The following DYNC1I1 variants were observed in gnomAD, a reference collection of about 807,000 sequenced individuals.
DYNC1I1 encodes dynein cytoplasmic 1 intermediate chain 1.
A neutral mutation model predicts 86.6 loss-of-function variants in DYNC1I1; 43 were observed. That is an observed-to-expected ratio of 0.50 (90% CI 0.39 to 0.64). DYNC1I1 has a LOEUF of 0.64. DYNC1I1 is among the 30% of genes least tolerant of loss of function. The probability of loss-of-function intolerance (pLI) is 0.00; values close to 1 mark genes in which losing one functional copy is unlikely to be tolerated. For synonymous variants in DYNC1I1, 262 were observed against 283.7 expected (o/e 0.92, Z 0.77); for missense variants, 604 against 788.8 (o/e 0.77, Z 2.81).
intron 9 of DYNC1I1, among the ~76,000 whole-genome samples, chr7:95,992,583 GCA>G (rs1554427879): frequency 1.3e-5 from 2 of 152,008 alleles, no homozygotes; most frequent in Non-Finnish European, 2.9e-5. Context: ...TTCATAACGG[GCA>G]CTTAAAACAT....
At chr7:95,964,230 G>A (rs1266507770) in intron 6 of DYNC1I1, among the ~76,000 whole-genome samples, 1 of 152,150 alleles carries the variant, frequency 6.6e-6, no homozygotes, top group Non-Finnish European at 1.5e-5. Context: ...TGAAATGGGA[G>A]TCAGCAAAAA....
chr7:95,993,766 A>G (rs541084025), intron 9 of DYNC1I1, among the ~76,000 whole-genome samples: 62 of 152,274 alleles, frequency 4.1e-4, no homozygotes, highest in South Asian at 1.0e-3. Flanking sequence ...AGATGTAGTT[A>G]TTTTTAATAG....
rs566209237 is a variant in DYNC1I1 at position 95,907,030 on chromosome 7, A to C, written c.490+37032A>C. On this transcript the variant is annotated intron_variant, in intron 6 of 16. Coordinates refer to ENST00000447467, the MANE Select transcript of DYNC1I1 (RefSeq NM_001135556.2). ...TCATTTAAAATACAGTTTACAGAGGAATTAAGCTAAACCACTTAAGCTCTC... is the reference window on the plus strand; with the variant it reads ...TCATTTAAAATACAGTTTACAGAGGCATTAAGCTAAACCACTTAAGCTCTC... Among the ~76,000 whole-genome samples the C allele has an allele frequency of 3.9e-4, 60 of 152,314 alleles. 1 individual carries two copies. The highest frequency in any genetic ancestry group is 1.4e-3 in the African/African-American group (59 of 41,566).
At chr7:95,802,973 G>A (rs1794617264) in intron 1 of DYNC1I1, among the ~76,000 whole-genome samples, 1 of 152,088 alleles carries the variant, frequency 6.6e-6, no homozygotes, top group African/African-American at 2.4e-5. Context: ...ATTCCTCAAT[G>A]CTTCCCCTGG....
rs41278809 is a variant in DYNC1I1, at chr7:95,804,844, C to G, written c.108+7C>G. 0.095 allele frequency: 147,284 copies of G among 1,550,238 alleles called. 7,489 individuals are homozygous for G. Among genetic ancestry groups the G allele is most frequent in the Non-Finnish European group, 0.1 (116,001 of 1,145,796 alleles). ...GGAGAGGAAAAAGAAAGAGGTAAAT[C>G]CTGGGTGTTGGGGTGTTGTGGGGGA... On this transcript the variant is annotated splice_region_variant and intron_variant, in intron 2 of 16. Coordinates refer to ENST00000447467, the MANE Select transcript of DYNC1I1 (RefSeq NM_001135556.2).
intron 6 of DYNC1I1, among the ~76,000 whole-genome samples, chr7:95,955,401 C>G (rs1347656844): frequency 2.0e-5 from 3 of 152,116 alleles, no homozygotes; most frequent in Non-Finnish European, 4.4e-5. Context: ...TAGCTCGCTG[C>G]AGCCTTGACC....
intron 14 of DYNC1I1, among the ~76,000 whole-genome samples, chr7:96,058,540 G>C (rs1231991582): frequency 6.6e-6 from 1 of 152,168 alleles, no homozygotes; most frequent in Non-Finnish European, 1.5e-5. Flanking sequence ...GTTACTGGGA[G>C]TATCACAGTG....
chr7:95,889,394 A>G (rs1452884660), intron 6 of DYNC1I1, among the ~76,000 whole-genome samples: 2 of 152,224 alleles, frequency 1.3e-5, no homozygotes, highest in African/African-American at 4.8e-5. Context: ...CTGGCTTATC[A>G]TATGCAGAAG....
chr7:96,077,543 A>G (rs191721891), intron 15 of DYNC1I1, among the ~76,000 whole-genome samples: 1 of 152,242 alleles, frequency 6.6e-6, no homozygotes, highest in East Asian at 1.9e-4. Context: ...TAATAGAAAG[A>G]TGTTATTACC....
intron 16 of DYNC1I1, among the ~76,000 whole-genome samples, chr7:96,092,365 A>G (rs1243941826): frequency 6.6e-6 from 1 of 152,182 alleles, no homozygotes; most frequent in South Asian, 2.1e-4. Flanking sequence ...GTTTTATTTA[A>G]TATACAGTCC....
Position 95,832,585 on chromosome 7 carries a change from A to G in DYNC1I1, c.374+4469A>G, listed in dbSNP as rs199753131. On this transcript the variant is annotated intron_variant, in intron 5 of 16. Transcript: ENST00000447467. Reference sequence around the variant, plus strand: ...GTTGAACTAGTTTACAGTCCCACCAACAGTGTAAAAGTATTCCTATTTCTC... The same window carrying G: ...GTTGAACTAGTTTACAGTCCCACCAGCAGTGTAAAAGTATTCCTATTTCTC... Among the ~76,000 whole-genome samples the G allele has an allele frequency of 6.4e-3, 967 of 152,218 alleles. 20 individuals carry two copies. Among genetic ancestry groups the G allele is most frequent in the East Asian group, 0.029 (149 of 5,152 alleles).
At chr7:96,030,812 A>T (rs1364854782) in intron 11 of DYNC1I1, among the ~76,000 whole-genome samples, 1 of 152,118 alleles carries the variant, frequency 6.6e-6, no homozygotes, top group Admixed American at 6.6e-5. Flanking sequence ...TCCGGGCTTG[A>T]TAATACACTG....
In DYNC1I1 at chr7:96,022,268, G is replaced by A. The variant is rs553078245; in HGVS notation, c.970-5907G>A. On this transcript the variant is annotated intron_variant, in intron 10 of 16. Coordinates refer to ENST00000447467, the MANE Select transcript of DYNC1I1 (RefSeq NM_001135556.2). ...TTTGTATTCTCAGCATAAAAGCCAG[G>A]ACAAGGCACGTGATAGGGTCTAAAT... is the stretch of plus-strand genomic sequence containing the variant. Among the ~76,000 whole-genome samples, 22 of 152,258 alleles carry A rather than the reference G, an allele frequency of 1.4e-4. No homozygotes were observed. In the East Asian group the frequency reaches 3.7e-3, roughly 25 times the overall value.
At chr7:95,891,055 G>A (rs536547342) in intron 6 of DYNC1I1, among the ~76,000 whole-genome samples, 1 of 152,272 alleles carries the variant, frequency 6.6e-6, no homozygotes, top group Non-Finnish European at 1.5e-5. Context: ...GGTCATTAGA[G>A]TGGGCCTTCA....
At chr7:96,092,927 T>TC (rs1296566643) in intron 16 of DYNC1I1, among the ~76,000 whole-genome samples, 1 of 152,106 alleles carries the variant, frequency 6.6e-6, no homozygotes, top group Non-Finnish European at 1.5e-5. Flanking sequence ...CTGGCATTTC[T>TC]CAAAGGGGTG....
At position 95,827,942 on chromosome 7, in the gene DYNC1I1, C is replaced by G. The variant is rs1795238109; in HGVS notation, c.315-115C>G. ...GGAGGGGATGGAAGGGGGACATGTT[C>G]TGTGTATGTATTGTATATGCTCTTG... On this transcript the variant is annotated intron_variant, in intron 4 of 16. Coordinates refer to ENST00000447467, the MANE Select transcript of DYNC1I1 (RefSeq NM_001135556.2). 7 of 933,594 alleles carry G rather than the reference C, an allele frequency of 7.5e-6. No individual in the cohort carries two copies. The South Asian group carries it at 9.8e-5, about 13-fold the overall frequency. 57.8% of individuals were successfully genotyped at this position (933,594 alleles called of 1,614,324 possible). A position where few individuals can be genotyped will look rare whatever the true frequency, so the allele number is the denominator to read the frequency against.
At chr7:96,071,735 C>T (rs1790165749) in intron 14 of DYNC1I1, among the ~76,000 whole-genome samples, 1 of 152,150 alleles carries the variant, frequency 6.6e-6, no homozygotes, top group African/African-American at 2.4e-5. Flanking sequence ...AGATAACATC[C>T]TCAGGATCAT....
intron 14 of DYNC1I1, among the ~76,000 whole-genome samples, chr7:96,074,729 T>C (rs566120645): frequency 3.3e-5 from 5 of 152,356 alleles, no homozygotes; most frequent in South Asian, 2.1e-4. Flanking sequence ...TCAGCAGAGA[T>C]ATTTTGTGCA....
At chr7:95,983,685 A>G (rs1465805261) in intron 7 of DYNC1I1, among the ~76,000 whole-genome samples, 1 of 152,154 alleles carries the variant, frequency 6.6e-6, no homozygotes, top group African/African-American at 2.4e-5. Context: ...AGTACCTAAA[A>G]GATTCTTCTG....
Sources: gnomAD v4.1 joint callset for allele counts (sites outside exome capture counted in the v4.1 genomes callset) on GRCh38, gnomAD v4.1.1 for gene constraint, MANE v1.5 for transcripts, NCBI Gene and HGNC (gene_info 2026-07-23, HGNC 2026-07-21) for gene names.